BTBD9: variants seen among roughly 807,000 people sequenced by gnomAD.
BTBD9 encodes the protein BTB domain containing 9, also known as BTB/POZ domain-containing protein 9.
BTBD9 carries 49 observed loss-of-function variants against 64.3 expected under a neutral mutation model. The observed-to-expected ratio is 0.76, with a 90% confidence interval of 0.61 to 0.97. The LOEUF is 0.97. Among genes scored for constraint, BTBD9 ranks in the 50% least tolerant of loss-of-function variants. BTBD9 has a pLI of 0.00. For synonymous variants in BTBD9, 260 were observed against 274.7 expected (o/e 0.95, Z 0.53); for missense variants, 598 against 762.1 (o/e 0.78, Z 2.53).
At chr6:38,507,253 T>C (rs1772566067) in intron 6 of BTBD9, among the ~76,000 whole-genome samples, 1 of 152,202 alleles carries the variant, frequency 6.6e-6, no homozygotes, top group African/African-American at 2.4e-5. Context: ...TTCACTAGAA[T>C]TAAGATCCAT....
At chr6:38,314,849 A>T (rs1486889901) in intron 7 of BTBD9, among the ~76,000 whole-genome samples, 4 of 151,952 alleles carry the variant, frequency 2.6e-5, no homozygotes, top group African/African-American at 9.7e-5. Flanking sequence ...ATCTCTGATT[A>T]ATTAATTTAT....
intron 6 of BTBD9, among the ~76,000 whole-genome samples, chr6:38,427,739 T>C (rs1768239628): frequency 1.3e-5 from 2 of 152,026 alleles, no homozygotes; most frequent in Non-Finnish European, 2.9e-5. Context: ...CACAAAGATC[T>C]GTTTCCACTG....
chr6:38,303,858 TATATATATATATATATAC>T (rs1380223710), intron 7 of BTBD9, among the ~76,000 whole-genome samples: 152 of 122,250 alleles, frequency 1.2e-3, no homozygotes, highest in African/African-American at 4.6e-3. Flanking sequence ...TATATATATA[TATATATATATATATATAC>T]ACACACACAC....
intron 1 of BTBD9, among the ~76,000 whole-genome samples, chr6:38,601,607 G>C (rs1777241380): frequency 6.6e-6 from 1 of 152,068 alleles, no homozygotes; most frequent in South Asian, 2.1e-4. Context: ...GATCACTTGA[G>C]CCCAGGAGTT....
intron 6 of BTBD9, among the ~76,000 whole-genome samples, chr6:38,374,872 G>A (rs149303303): frequency 6.2e-4 from 94 of 152,242 alleles, no homozygotes; most frequent in African/African-American, 2.1e-3. Flanking sequence ...AGTTGGCAGC[G>A]ACATTTTAGT....
intron 6 of BTBD9, among the ~76,000 whole-genome samples, chr6:38,496,187 C>A (rs1042852413): frequency 6.6e-6 from 1 of 152,070 alleles, no homozygotes; most frequent in East Asian, 1.9e-4. Flanking sequence ...ATGACTCACA[C>A]GACTGAAGGA....
At chr6:38,418,261 C>T (rs1767762773) in intron 6 of BTBD9, among the ~76,000 whole-genome samples, 1 of 152,190 alleles carries the variant, frequency 6.6e-6, no homozygotes, top group Non-Finnish European at 1.5e-5. Context: ...TAGGGTTGCA[C>T]AACTACCGTG....
intron 1 of BTBD9, among the ~76,000 whole-genome samples, chr6:38,637,799 G>GT (rs1449083023): frequency 1.3e-5 from 2 of 152,174 alleles, no homozygotes; most frequent in African/African-American, 4.8e-5. Flanking sequence ...CCTGATATTG[G>GT]TTCAAGCGTA....
intron 6 of BTBD9, among the ~76,000 whole-genome samples, chr6:38,508,473 G>A (rs376432623): frequency 3.3e-5 from 5 of 152,064 alleles, no homozygotes; most frequent in East Asian, 1.9e-4. Context: ...TCATTCCCCC[G>A]CCACTGGCAC....
At chr6:38,428,530 A>G (rs1047213368) in intron 6 of BTBD9, among the ~76,000 whole-genome samples, 11 of 151,192 alleles carry the variant, frequency 7.3e-5, no homozygotes, top group African/African-American at 2.7e-4. Flanking sequence ...CACACTCTAT[A>G]AGGTCCTTGA....
intron 6 of BTBD9, among the ~76,000 whole-genome samples, chr6:38,351,003 C>T (rs1262909030): frequency 6.6e-6 from 1 of 152,208 alleles, no homozygotes; most frequent in East Asian, 1.9e-4. Flanking sequence ...CTCTTATAAT[C>T]AAGCCACTGA....
At chr6:38,461,811 C>T (rs1246587739) in intron 6 of BTBD9, among the ~76,000 whole-genome samples, 5 of 152,186 alleles carry the variant, frequency 3.3e-5, no homozygotes, top group African/African-American at 1.2e-4. Flanking sequence ...AGTTACAGTT[C>T]CTTCACATCC....
chr6:38,227,934 G>T (rs1160412684), intron 9 of BTBD9, among the ~76,000 whole-genome samples: 1 of 152,214 alleles, frequency 6.6e-6, no homozygotes, highest in African/African-American at 2.4e-5. Flanking sequence ...GTAGTAAAAA[G>T]ATCAGTGGTT....
At chr6:38,635,404 G>A (rs1228989086) in intron 1 of BTBD9, among the ~76,000 whole-genome samples, 1 of 152,136 alleles carries the variant, frequency 6.6e-6, no homozygotes, top group Non-Finnish European at 1.5e-5. Flanking sequence ...CCAAAGTGCT[G>A]GAGTTACAGG....
At chr6:38,483,852 C>G (rs1472292513) in intron 6 of BTBD9, among the ~76,000 whole-genome samples, 2 of 152,168 alleles carry the variant, frequency 1.3e-5, no homozygotes, top group East Asian at 1.9e-4. Flanking sequence ...CTTCCCTGAC[C>G]GTTCTGCTCA....
intron 7 of BTBD9, among the ~76,000 whole-genome samples, chr6:38,307,615 C>T (rs2127568523): frequency 6.6e-6 from 1 of 152,260 alleles, no homozygotes; most frequent in East Asian, 1.9e-4. Flanking sequence ...ATCGATTTTT[C>T]CTTCTTTCTT....
At chr6:38,242,630 C>T (rs1764032559) in intron 9 of BTBD9, among the ~76,000 whole-genome samples, 1 of 152,204 alleles carries the variant, frequency 6.6e-6, no homozygotes, top group Non-Finnish European at 1.5e-5. Flanking sequence ...TTCTGTATAA[C>T]CTGTAAGTTC....
intron 1 of BTBD9, among the ~76,000 whole-genome samples, chr6:38,605,346 C>A (rs1281696444): frequency 6.6e-6 from 1 of 152,018 alleles, no homozygotes; most frequent in Non-Finnish European, 1.5e-5. Context: ...CCATACCCAG[C>A]CAGCTTTACT....
rs35699356 is a variant in BTBD9, at chr6:38,439,110, C to CTTTT, written c.1155-94021_1155-94018dup. Among the ~76,000 whole-genome samples, 77 of 63,974 alleles carry CTTTT rather than the reference C, an allele frequency of 1.2e-3. 2 individuals are homozygous for CTTTT. The highest frequency in any genetic ancestry group is 2.5e-3 in the African/African-American group (36 of 14,574). 42.0% of individuals were successfully genotyped at this position (63,974 alleles called of 152,430 possible). A position where few individuals can be genotyped will look rare whatever the true frequency, so the allele number is the denominator to read the frequency against. ...TCTTGTAGGCTCGTGTAGCAACTGACTTTTTTTTTTTTTTTTTTTTTTTTG... is the reference window on the plus strand; with the variant it reads ...TCTTGTAGGCTCGTGTAGCAACTGACTTTTTTTTTTTTTTTTTTTTTTTTTTTTG... On this transcript the variant is annotated intron_variant, in intron 6 of 10. Coordinates refer to ENST00000481247, the MANE Select transcript of BTBD9 (RefSeq NM_001099272.2).
Sources: allele counts gnomAD v4.1 joint callset (sites outside exome capture counted in the v4.1 genomes callset), GRCh38; gene constraint gnomAD v4.1.1; transcripts MANE v1.5; gene names NCBI Gene and HGNC (gene_info 2026-07-23, HGNC 2026-07-21).